WWC1: variants seen among roughly 807,000 people sequenced by gnomAD.
WWC1 encodes WW and C2 domain containing 1.
In WWC1, 55 loss-of-function variants were observed where a neutral mutation model predicts 138.4. The ratio of observed to expected loss-of-function variants is 0.40; its 90% CI spans 0.32 to 0.50. The LOEUF (loss-of-function observed/expected upper bound fraction) is 0.50, where lower values mean the gene tolerates loss of function less well. WWC1 is among the 20% of genes least tolerant of loss of function. WWC1 has a pLI of 0.72. For missense variants in WWC1, 1,226 were observed against 1,420.4 expected (o/e 0.86, Z 2.20); for synonymous variants, 524 against 564.9 (o/e 0.93, Z 1.03).
At chr5:168,359,030 TGGG>T (rs769266538) in intron 1 of WWC1, among the ~76,000 whole-genome samples, 1 of 99,278 alleles carries the variant, frequency 1.0e-5, no homozygotes, top group Non-Finnish European at 2.0e-5. Flanking sequence ...TTGGTGGTGG[TGGG>T]GTGTGTGTGT....
intron 5 of WWC1, among the ~76,000 whole-genome samples, chr5:168,404,489 G>C (rs1380813902): frequency 1.3e-5 from 2 of 152,226 alleles, no homozygotes; most frequent in Non-Finnish European, 2.9e-5. Flanking sequence ...GTAACCGCAG[G>C]GGGAGCCTGT....
In WWC1 at chr5:168,460,750, A is replaced by T; in HGVS notation, c.2916+8A>T. 1 of 1,613,994 alleles carries T rather than the reference A, an allele frequency of 6.2e-7. No homozygotes were observed. Among genetic ancestry groups the T allele is most frequent in the Non-Finnish European group, 8.5e-7 (1 of 1,179,890 alleles). On this transcript the variant is annotated splice_region_variant and intron_variant, in intron 20 of 22. Coordinates refer to ENST00000265293, the MANE Select transcript of WWC1 (RefSeq NM_015238.3). ...AGCGTCCGGATGAAGCGGGTAAGAG[A>T]GTCACCTCAAAGCTATTTTTCTGCC...
At position 168,299,886 on chromosome 5, in the gene WWC1, A is replaced by G. The variant is rs528517231; in HGVS notation, c.119+7615A>G. 1.1e-4 allele frequency among the ~76,000 whole-genome samples: 16 copies of G among 152,352 alleles called. No individual in the cohort carries two copies. In the East Asian group the frequency reaches 3.1e-3, roughly 29 times the overall value. On this transcript the variant is annotated intron_variant, in intron 1 of 22. Transcript: ENST00000265293. ...CAGGTGGCTGTCCATGACGTGTATCAGGAGCTCTCTCCAGCCACATGTGGT... is the reference window on the plus strand; with the variant it reads ...CAGGTGGCTGTCCATGACGTGTATCGGGAGCTCTCTCCAGCCACATGTGGT...
Position 168,292,163 on chromosome 5 carries a change from C to T in WWC1, c.11C>T (p.Pro4Leu), listed in dbSNP as rs1043502147. ...GCAGCGCTTGGGAAGATGCCCCGGC[C>T]GGAGCTGCCCCTGCCGGAGGGCTGG... MPR[P>L]ELPLPEGWEE... Residue 4 changes from proline to leucine, a missense_variant, in exon 1 of 23, where the codon CCG becomes CTG. This residue lies in a region of WWC1 where 1,016 missense variants were observed against 1,153.9 expected (regional missense o/e 0.88). Coordinates refer to ENST00000265293, the MANE Select transcript of WWC1 (RefSeq NM_015238.3). The surrounding 1 kb of genome is among the most constrained non-coding windows in gnomAD (Gnocchi z 4.4). 1.3e-6 allele frequency: 2 copies of T among 1,541,176 alleles called. No homozygotes were observed. The highest frequency in any genetic ancestry group is 1.7e-6 in the Non-Finnish European group (2 of 1,143,080).
chr5:168,364,973 C>T (rs985770272), intron 1 of WWC1, among the ~76,000 whole-genome samples: 1 of 152,190 alleles, frequency 6.6e-6, no homozygotes, highest in Non-Finnish European at 1.5e-5. Flanking sequence ...GCTCTCCTAA[C>T]AAACTTGAGA....
chr5:168,391,672 C>A (rs6870225), intron 3 of WWC1, among the ~76,000 whole-genome samples: 27,813 of 123,968 alleles, frequency 0.22, 3,915 homozygotes, highest in South Asian at 0.37. Context: ...AAAAAAAAAA[C>A]AAAAAAACTA....
intron 1 of WWC1, among the ~76,000 whole-genome samples, chr5:168,365,288 A>G (rs1776198598): frequency 6.6e-6 from 1 of 152,084 alleles, no homozygotes; most frequent in South Asian, 2.1e-4. Context: ...GAAAGTTTGG[A>G]CAGTTCTTGG....
intron 1 of WWC1, among the ~76,000 whole-genome samples, chr5:168,367,033 G>A (rs143228206): frequency 0.024 from 3,641 of 151,598 alleles, 155 homozygotes; most frequent in African/African-American, 0.084. Flanking sequence ...CCTGACCTCG[G>A]GTGATCCACC....
intron 15 of WWC1, among the ~76,000 whole-genome samples, chr5:168,434,139 G>T (rs1186159261): frequency 6.6e-6 from 1 of 152,216 alleles, no homozygotes; most frequent in African/African-American, 2.4e-5. Context: ...AGCGAGAAGA[G>T]GCTCAATCCT....
intron 17 of WWC1, among the ~76,000 whole-genome samples, chr5:168,450,983 A>G (rs1356681691): frequency 6.6e-6 from 1 of 152,158 alleles, no homozygotes; most frequent in Non-Finnish European, 1.5e-5. Context: ...TTACAACTCA[A>G]TAATAAGACA....
chr5:168,435,450 G>T (rs569418215), intron 15 of WWC1, among the ~76,000 whole-genome samples: 2 of 152,218 alleles, frequency 1.3e-5, no homozygotes, highest in South Asian at 4.2e-4. Flanking sequence ...TTGCTTTGTT[G>T]CCCAGGCTGG....
intron 1 of WWC1, among the ~76,000 whole-genome samples, chr5:168,329,255 A>C (rs964060825): frequency 6.6e-6 from 1 of 152,216 alleles, no homozygotes; most frequent in African/African-American, 2.4e-5. Flanking sequence ...TTTAACATAC[A>C]CTGCCCTCAA....
intron 1 of WWC1, among the ~76,000 whole-genome samples, chr5:168,320,678 G>A (rs111448894): frequency 1.1e-4 from 16 of 152,240 alleles, no homozygotes; most frequent in Middle Eastern, 6.8e-3. Flanking sequence ...TCATCCTCCC[G>A]GGATGGCTTT....
intron 4 of WWC1, 92 bp from the exon 5 acceptor site, chr5:168,399,396 G>T: frequency 7.4e-7 from 1 of 1,352,556 alleles, no homozygotes; most frequent in Non-Finnish European, 1.0e-6. Flanking sequence ...AGGCGCAGTG[G>T]GAGGCTCTGG....
chr5:168,349,311 G>A (rs938595018), intron 1 of WWC1, among the ~76,000 whole-genome samples: 12 of 151,706 alleles, frequency 7.9e-5, no homozygotes, highest in African/African-American at 2.7e-4. Context: ...CCTCTGACAC[G>A]CCTGTTTCTC....
chr5:168,446,132 A>C (rs920231187), intron 17 of WWC1, among the ~76,000 whole-genome samples: 1 of 152,038 alleles, frequency 6.6e-6, no homozygotes, highest in Non-Finnish European at 1.5e-5. Context: ...TCTGCTTCAA[A>C]AGGTAACTGT....
At chr5:168,368,932 G>A (rs1455280153) in intron 1 of WWC1, among the ~76,000 whole-genome samples, 1 of 152,172 alleles carries the variant, frequency 6.6e-6, no homozygotes, top group African/African-American at 2.4e-5. Context: ...TGCATCCTGA[G>A]CTGAGGGAAG....
intron 1 of WWC1, among the ~76,000 whole-genome samples, chr5:168,354,674 C>T (rs957547832): frequency 1.3e-5 from 2 of 152,124 alleles, no homozygotes; most frequent in African/African-American, 4.8e-5. Flanking sequence ...TATTCCATTC[C>T]ACTGGTAAGT....
chr5:168,301,293 A>G (rs965683054), intron 1 of WWC1, among the ~76,000 whole-genome samples: 3 of 152,216 alleles, frequency 2.0e-5, no homozygotes, highest in Non-Finnish European at 4.4e-5. Context: ...TAAGCTCTCC[A>G]TAAAGATCAT....
Sources: gnomAD v4.1 joint callset for allele counts (sites outside exome capture counted in the v4.1 genomes callset) on GRCh38, gnomAD v4.1.1 for gene constraint, gnomAD v4.1.1 regional missense constraint, Gnocchi (gnomAD v3.1) non-coding constraint, MANE v1.5 for transcripts, NCBI Gene and HGNC (gene_info 2026-07-23, HGNC 2026-07-21) for gene names.